Variants in DACH2 observed in about 807,000 individuals in gnomAD.
The protein encoded by DACH2 is dachshund homolog 2.
In DACH2, 17 loss-of-function variants were observed where a neutral mutation model predicts 35.8. The ratio of observed to expected loss-of-function variants is 0.48; its 90% CI spans 0.33 to 0.71. DACH2 has a LOEUF of 0.71. Ranked by LOEUF, DACH2 falls within the 30% of genes least tolerant of loss-of-function variation. The probability of loss-of-function intolerance (pLI) is 0.02; values close to 1 mark genes in which losing one functional copy is unlikely to be tolerated. For missense variants in DACH2, 469 were observed against 472.7 expected, an observed-to-expected ratio of 0.99 and a Z score of 0.07; for synonymous variants, 195 against 177.3, an observed-to-expected ratio of 1.10 and a Z score of -0.79.
intron 4 of DACH2, among the ~76,000 whole-genome samples, chrX:86,666,314 A>AGG (rs2040669059): frequency 1.4e-5 from 1 of 69,284 alleles, no homozygotes; most frequent in Admixed American, 2.0e-4. Context: ...TGTGTGTGTG[A>AGG]GAGAGAGAGA....
intron 5 of DACH2, among the ~76,000 whole-genome samples, chrX:86,712,323 G>A (rs1371142871): frequency 9.0e-6 from 1 of 111,506 alleles, no homozygotes; most frequent in East Asian, 2.8e-4. Flanking sequence ...ATGTACCTAA[G>A]TAATTTTAGA....
chrX:86,322,593 C>T (rs1462364054), intron 1 of DACH2, among the ~76,000 whole-genome samples: 1 of 111,818 alleles, frequency 8.9e-6, no homozygotes, highest in Admixed American at 9.4e-5. Context: ...GACCTTATTC[C>T]TCTGCCTGGT....
intron 1 of DACH2, among the ~76,000 whole-genome samples, chrX:86,349,854 A>G (rs2035563136): frequency 9.0e-6 from 1 of 111,522 alleles, no homozygotes; most frequent in Non-Finnish European, 1.9e-5. Flanking sequence ...AAATTGAAAT[A>G]TTAGATTTAT....
At chrX:86,757,332 C>CT (rs1442171045) in intron 7 of DACH2, among the ~76,000 whole-genome samples, 1 of 111,153 alleles carries the variant, frequency 9.0e-6, no homozygotes, top group Non-Finnish European at 1.9e-5. Flanking sequence ...CTGTAGTTTT[C>CT]TTTTTTTGTT....
At chrX:86,298,269 A>C (rs750402327) in intron 1 of DACH2, among the ~76,000 whole-genome samples, 11 of 111,073 alleles carry the variant, frequency 9.9e-5, no homozygotes, top group Non-Finnish European at 1.9e-4. Flanking sequence ...CTCTTGGTCT[A>C]CCTCCAGTTT....
At chrX:86,299,610 T>A (rs1336521163) in intron 1 of DACH2, among the ~76,000 whole-genome samples, 2 of 112,174 alleles carry the variant, frequency 1.8e-5, no homozygotes, top group Non-Finnish European at 3.8e-5. Flanking sequence ...TTACCTACAA[T>A]GGGGAAGAGA....
chrX:86,805,072 C>G (rs892112125), intron 7 of DACH2, among the ~76,000 whole-genome samples: 4 of 112,435 alleles, frequency 3.6e-5, no homozygotes, highest in African/African-American at 9.7e-5. Context: ...GGGGCTCCAA[C>G]TCCATATTTC....
chrX:86,387,027 G>T (rs1205336247), intron 2 of DACH2, among the ~76,000 whole-genome samples: 1 of 111,539 alleles, frequency 9.0e-6, no homozygotes, highest in South Asian at 3.7e-4. Flanking sequence ...AGCAAGAAAA[G>T]AATGAAAAGC....
intron 1 of DACH2, among the ~76,000 whole-genome samples, chrX:86,187,408 TCTGA>T (rs1009958346): frequency 9.1e-6 from 1 of 109,495 alleles, no homozygotes; most frequent in African/African-American, 3.3e-5. Context: ...TAGCTTGCTA[TCTGA>T]CTTAGTTTTT....
At chrX:86,654,187 TAAAAAAAAAAAAAA>T (rs764775335) in intron 4 of DACH2, among the ~76,000 whole-genome samples, 3 of 40,450 alleles carry the variant, frequency 7.4e-5, no homozygotes, top group Non-Finnish European at 9.3e-5. Context: ...ACATTTTTAG[TAAAAAAAAAAAAAA>T]AAAAAAAAAA....
At chrX:86,723,425 C>A (rs2041431149) in intron 6 of DACH2, among the ~76,000 whole-genome samples, 1 of 108,395 alleles carries the variant, frequency 9.2e-6, no homozygotes. Context: ...TTGAAGTAGG[C>A]AGTTAACGGT....
intron 4 of DACH2, among the ~76,000 whole-genome samples, chrX:86,685,990 G>C (rs940022105): frequency 8.1e-5 from 9 of 111,453 alleles, no homozygotes; most frequent in African/African-American, 2.6e-4. Flanking sequence ...TTGATAATAT[G>C]TTTGTCATTT....
intron 1 of DACH2, among the ~76,000 whole-genome samples, chrX:86,329,299 C>T (rs1246722718): frequency 9.0e-6 from 1 of 111,697 alleles, no homozygotes; most frequent in Admixed American, 9.5e-5. Context: ...GAGCTATATA[C>T]AGCTGAATAG....
rs373390005 is a variant in DACH2 at position 86,700,285 on chromosome X, T to C, written c.931+5106T>C. Among the ~76,000 whole-genome samples, 17 of 111,301 alleles carry C rather than the reference T, an allele frequency of 1.5e-4. No individual in the cohort carries two copies. In the East Asian group the frequency reaches 3.7e-3, roughly 24 times the overall value. ...TGTGTATTAGGCCCATTTGGTCAAGTGTGAGTTCAGGTCTTGAATATCTTT... is the reference window on the plus strand; with the variant it reads ...TGTGTATTAGGCCCATTTGGTCAAGCGTGAGTTCAGGTCTTGAATATCTTT... On this transcript the variant is annotated intron_variant, in intron 5 of 11. Transcript: ENST00000373125.
At chrX:86,654,150 G>A (rs114641414) in intron 4 of DACH2, among the ~76,000 whole-genome samples, 1,106 of 81,064 alleles carry the variant, frequency 0.014, 17 homozygotes, top group African/African-American at 0.05. Context: ...ACTGCTTCTA[G>A]TTCATCATCT....
intron 3 of DACH2, among the ~76,000 whole-genome samples, chrX:86,598,958 G>A (rs1358081781): frequency 3.7e-5 from 4 of 107,309 alleles, no homozygotes; most frequent in African/African-American, 7.2e-5. Context: ...CGCCCCTCCC[G>A]CCACCCCACG....
chrX:86,624,060 C>CAAAAAAAAAAA (rs34140706), intron 3 of DACH2, among the ~76,000 whole-genome samples: 3 of 36,059 alleles, frequency 8.3e-5, no homozygotes, highest in African/African-American at 1.0e-4. Flanking sequence ...AAAAACAAAA[C>CAAAAAAAAAAA]AAAAAAAAAA....
At chrX:86,643,580 A>G (rs1339217502) in intron 3 of DACH2, among the ~76,000 whole-genome samples, 4 of 111,489 alleles carry the variant, frequency 3.6e-5, no homozygotes, top group Admixed American at 1.9e-4. Flanking sequence ...CAAACAACTG[A>G]AGAGGAGGGA....
chrX:86,355,311 C>T lies in DACH2; in HGVS notation c.489-21513C>T, dbSNP rs182953850. 3.3e-3 allele frequency among the ~76,000 whole-genome samples: 366 copies of T among 111,553 alleles called. 11 individuals carry two copies. The highest frequency in any genetic ancestry group is 0.031 in the Admixed American group (330 of 10,477). ...ATCTTTGCTATTGTGAATAGTGTGG[C>T]GATGAGCATATGTGTGTATATGTCT... On this transcript the variant is annotated intron_variant, in intron 1 of 11. Transcript: ENST00000373125.
Sources: allele counts gnomAD v4.1 joint callset (sites outside exome capture counted in the v4.1 genomes callset), GRCh38; gene constraint gnomAD v4.1.1; transcripts MANE v1.5; gene names NCBI Gene and HGNC (gene_info 2026-07-23, HGNC 2026-07-21).